The following GALNT9 variants were observed in gnomAD, a reference collection of about 807,000 sequenced individuals.
The protein encoded by GALNT9 is GalNAc transferase 9.
In GALNT9, 47 loss-of-function variants were observed where a neutral mutation model predicts 63.1. That is an observed-to-expected ratio of 0.75 (90% confidence interval 0.59 to 0.95). GALNT9 has a LOEUF of 0.95. Ranked by LOEUF, GALNT9 falls within the 40% of genes least tolerant of loss-of-function variation. The pLI is 0.00. For missense variants in GALNT9, 829 were observed against 874.8 expected (o/e 0.95, Z 0.66); for synonymous variants, 396 against 365.7 (o/e 1.08, Z -0.94).
chr12:132,196,886 C>T lies in GALNT9; in HGVS notation c.*221G>A, dbSNP rs529636547. 58 of 1,380,628 alleles carry T rather than the reference C, an allele frequency of 4.2e-5. No homozygotes were observed. The East Asian group carries it at 1.2e-3, about 28-fold the overall frequency. The allele number at this position is 1,380,628 out of a possible 1,614,324, so 85.5% of individuals were successfully genotyped here. ...GTTGGCATCACTGTCCCCAGACGCC[C>T]TCCCTCGGGTAGAGCCGCCTGTCCT... On this transcript the variant is annotated 3_prime_UTR_variant, in exon 11 of 11. Coordinates refer to ENST00000328957, the MANE Select transcript of GALNT9 (RefSeq NM_001122636.2).
Position 132,196,477 on chromosome 12 carries a change from A to T in GALNT9, c.*630T>A. The T allele has an allele frequency of 1.0e-6, 1 of 985,568 alleles. No homozygotes were observed. Among genetic ancestry groups the T allele is most frequent in the Middle Eastern group, 5.2e-4 (1 of 1,914 alleles). The allele number at this position is 985,568 out of a possible 1,614,324, so 61.1% of individuals were successfully genotyped here. On this transcript the variant is annotated 3_prime_UTR_variant, in exon 11 of 11. Transcript: ENST00000328957. ...GAGGTGGGACCGGGCCCCAACCCCC[A>T]GCTCGGCTCCCAGGAAGACACACAC...
At chr12:132,263,584 C>T (rs536150670) in intron 2 of GALNT9, among the ~76,000 whole-genome samples, 2 of 152,320 alleles carry the variant, frequency 1.3e-5, no homozygotes, top group Non-Finnish European at 2.9e-5. Flanking sequence ...CGTCCTCAAG[C>T]GCACACCCTG....
intron 6 of GALNT9, among the ~76,000 whole-genome samples, chr12:132,239,689 G>C (rs1555236724): frequency 6.6e-6 from 1 of 151,866 alleles, no homozygotes; most frequent in East Asian, 1.9e-4. Context: ...AAGAGACAGA[G>C]ATACAGACAG....
At chr12:132,235,654 G>A (rs1371265842) in intron 6 of GALNT9, among the ~76,000 whole-genome samples, 3 of 152,228 alleles carry the variant, frequency 2.0e-5, no homozygotes, top group Admixed American at 6.5e-5. Context: ...CGGCCCTGGC[G>A]GCCAGCCCCT....
In GALNT9 at chr12:132,329,301, G is replaced by A. The variant is rs1456431172; in HGVS notation, c.-98C>T. 4 of 1,419,806 alleles carry A rather than the reference G, an allele frequency of 2.8e-6. No homozygotes were observed. Among genetic ancestry groups the A allele is most frequent in the African/African-American group, 1.5e-5 (1 of 67,984 alleles). 88.0% of individuals were successfully genotyped at this position (1,419,806 alleles called of 1,614,324 possible). A position where few individuals can be genotyped will look rare whatever the true frequency, so the allele number is the denominator to read the frequency against. ...CGGCTTCGGGGACCATGAGCCGCCC[G>A]GGGCTGCGGGGGCTGCGGGGCTCGG... is the stretch of plus-strand genomic sequence containing the variant. On this transcript the variant is annotated 5_prime_UTR_variant, in exon 1 of 11. Transcript: ENST00000328957.
chr12:132,215,031 G>A (rs1459913361), intron 6 of GALNT9, among the ~76,000 whole-genome samples: 1 of 152,240 alleles, frequency 6.6e-6, no homozygotes, highest in African/African-American at 2.4e-5. Flanking sequence ...CCCTCCGCTG[G>A]TGCTGACTGG....
intron 6 of GALNT9, among the ~76,000 whole-genome samples, chr12:132,228,482 A>C (rs36172678): frequency 0.44 from 60,763 of 138,632 alleles, 13,008 homozygotes; most frequent in Middle Eastern, 0.59. Flanking sequence ...CAGGGCGGCC[A>C]GTCAGCACCT....
intron 1 of GALNT9, among the ~76,000 whole-genome samples, chr12:132,309,886 T>A (rs1347614921): frequency 2.0e-5 from 3 of 152,220 alleles, no homozygotes; most frequent in Non-Finnish European, 4.4e-5. Context: ...ACCCGTCCCC[T>A]GTTCTTCAGC....
Position 132,303,408 on chromosome 12 carries a change from C to A in GALNT9, c.239-16978G>T, listed in dbSNP as rs781791654. 7.6e-3 allele frequency among the ~76,000 whole-genome samples: 1,022 copies of A among 134,940 alleles called. 30 individuals are homozygous for A. Among genetic ancestry groups the A allele is most frequent in the Admixed American group, 0.021 (241 of 11,490 alleles). The allele number at this position is 134,940 out of a possible 152,430, so 88.5% of individuals were successfully genotyped here. ...GGGCACAGCCTCGCCCGGGCACACC[C>A]TCACCCGGGCACAGCCTCGCCCGGG... On this transcript the variant is annotated intron_variant, in intron 1 of 10. Coordinates refer to ENST00000328957, the MANE Select transcript of GALNT9 (RefSeq NM_001122636.2).
chr12:132,239,515 CTG>C (rs2136897079), intron 6 of GALNT9, among the ~76,000 whole-genome samples: 1 of 145,784 alleles, frequency 6.9e-6, no homozygotes, highest in African/African-American at 2.6e-5. Context: ...GACACACACA[CTG>C]AGAGACTGAG....
At position 132,238,281 on chromosome 12, in the gene GALNT9, G is replaced by A. The variant is rs2136895938; in HGVS notation, c.1077+9629C>T. Among the ~76,000 whole-genome samples, 30 of 152,056 alleles carry A rather than the reference G, an allele frequency of 2.0e-4. No homozygotes were observed. The highest frequency in any genetic ancestry group is 6.8e-4 in the African/African-American group (28 of 41,380). ...CGGCTGCTGGGTCCCTCACGGCGGAGACCGAGGACTCCCCTTTGCAGGTAG... is the reference window on the plus strand; with the variant it reads ...CGGCTGCTGGGTCCCTCACGGCGGAAACCGAGGACTCCCCTTTGCAGGTAG... On this transcript the variant is annotated intron_variant, in intron 6 of 10. Coordinates refer to ENST00000328957, the MANE Select transcript of GALNT9 (RefSeq NM_001122636.2). This position sits in a 1 kb window ranked among gnomAD's most constrained non-coding sequence, Gnocchi z 6.5.
chr12:132,240,601 T>G (rs2136898796), intron 6 of GALNT9: 88 of 455,012 alleles, frequency 1.9e-4, no homozygotes, highest in African/African-American at 1.1e-3. Flanking sequence ...GTGGGCTCCG[T>G]GCGTGGCCCC....
intron 2 of GALNT9, among the ~76,000 whole-genome samples, chr12:132,285,311 C>A (rs533449872): frequency 6.6e-6 from 1 of 152,276 alleles, no homozygotes; most frequent in Non-Finnish European, 1.5e-5. Flanking sequence ...CATCCTGTCG[C>A]GGGCTGGGCT....
chr12:132,298,524 C>T (rs1881159651), intron 1 of GALNT9, among the ~76,000 whole-genome samples: 1 of 151,742 alleles, frequency 6.6e-6, no homozygotes, highest in African/African-American at 2.4e-5. Context: ...AACCCACTCC[C>T]ACCACACCTA....
chr12:132,240,616 C>A (rs2136898879), intron 6 of GALNT9: 5 of 455,418 alleles, frequency 1.1e-5, no homozygotes, highest in African/African-American at 8.0e-5. Context: ...GGCCCCGGGG[C>A]TCGGCTGTGC....
rs1227197319 is a variant in GALNT9, at chr12:132,196,524, CTTTA to C, written c.*579_*582del. 1.0e-6 allele frequency: 1 copy of C among 983,600 alleles called. No homozygotes were observed. Among genetic ancestry groups the C allele is most frequent in the Non-Finnish European group, 1.2e-6 (1 of 828,484 alleles). The allele number at this position is 983,600 out of a possible 1,614,324, so 60.9% of individuals were successfully genotyped here. A position where few individuals can be genotyped will look rare whatever the true frequency, so the allele number is the denominator to read the frequency against. ...ACACAGTGCTGCTGCCTAATCCTCT[CTTTA>C]TTTGGTCTCTGCTGAAGCAGTCGTG... is the stretch of plus-strand genomic sequence containing the variant. On this transcript the variant is annotated 3_prime_UTR_variant, in exon 11 of 11. Coordinates refer to ENST00000328957, the MANE Select transcript of GALNT9 (RefSeq NM_001122636.2).
intron 2 of GALNT9, among the ~76,000 whole-genome samples, chr12:132,263,978 T>C (rs1566004781): frequency 6.6e-6 from 1 of 152,084 alleles, no homozygotes; most frequent in South Asian, 2.1e-4. Context: ...CAAGGACAAG[T>C]GATTTATGGC....
At chr12:132,328,917 A>G in intron 1 of GALNT9, 49 bp downstream of exon 1, 1 of 1,446,480 alleles carries the variant, frequency 6.9e-7, no homozygotes. Context: ...CGGGGTGGCC[A>G]CTGTCCCGGG....
chr12:132,299,018 A>G (rs1270760995), intron 1 of GALNT9, among the ~76,000 whole-genome samples: 1 of 146,840 alleles, frequency 6.8e-6, no homozygotes, highest in Non-Finnish European at 1.5e-5. Context: ...TGAGATGACC[A>G]AGCCACTCCT....
Sources: gnomAD v4.1 joint callset for allele counts (sites outside exome capture counted in the v4.1 genomes callset) on GRCh38, gnomAD v4.1.1 for gene constraint, Gnocchi (gnomAD v3.1) non-coding constraint, MANE v1.5 for transcripts, NCBI Gene and HGNC (gene_info 2026-07-23, HGNC 2026-07-21) for gene names.